FGFRL1: variants seen among roughly 807,000 people sequenced by gnomAD.
The protein encoded by FGFRL1 is fibroblast growth factor receptor like 1, also known as fibroblast growth factor receptor-like 1.
FGFRL1 carries 24 observed loss-of-function variants against 36.8 expected under a neutral mutation model. The observed-to-expected ratio is 0.65, with a 90% CI of 0.47 to 0.92. The LOEUF is 0.92. Among genes scored for constraint, FGFRL1 ranks in the 40% least tolerant of loss-of-function variants. The probability of loss-of-function intolerance (pLI) is 0.00; values close to 1 mark genes in which losing one functional copy is unlikely to be tolerated. For missense variants in FGFRL1, 785 were observed against 753.4 expected (o/e 1.04, Z -0.49); for synonymous variants, 422 against 344.1 (o/e 1.23, Z -2.50).
At position 1,025,378 on chromosome 4, in the gene FGFRL1, G is replaced by T. The variant is rs768753902; in HGVS notation, c.*31G>T. 45 of 1,515,462 alleles carry T rather than the reference G, an allele frequency of 3.0e-5. No homozygotes were observed. The highest frequency in any genetic ancestry group is 1.6e-4 in the Admixed American group (8 of 49,352). The allele number at this position is 1,515,462 out of a possible 1,614,324, so 93.9% of individuals were successfully genotyped here. A position where few individuals can be genotyped will look rare whatever the true frequency, so the allele number is the denominator to read the frequency against. On this transcript the variant is annotated 3_prime_UTR_variant, in exon 7 of 7. Transcript: ENST00000510644. Reference sequence around the variant, plus strand: ...ACCGTATCTGCAGTGGGCACGGGGGGGCCGGCCAGACAGGCAGACTGGGAG... The same window carrying T: ...ACCGTATCTGCAGTGGGCACGGGGGTGCCGGCCAGACAGGCAGACTGGGAG...
chr4:1,024,481 G>A lies in FGFRL1; in HGVS notation c.889G>A (p.Asp297Asn), dbSNP rs532080560. The A allele has an allele frequency of 1.9e-5, 31 of 1,612,402 alleles. No homozygotes were observed. Among genetic ancestry groups the A allele is most frequent in the East Asian group, 8.9e-5 (4 of 44,880 alleles). The change falls in exon 6 of 7, where the codon GAT becomes AAT. Residue 297 changes from aspartate (D) to asparagine (N), a missense_variant. Coordinates refer to ENST00000510644, the MANE Select transcript of FGFRL1 (RefSeq NM_001004356.3). Reference sequence around the variant, plus strand: ...CGAGGGCCGCCACAACTCCACCATCGATGTGGGCGGCCAGAAGTTTGTGGT... The same window carrying A: ...CGAGGGCCGCCACAACTCCACCATCAATGTGGGCGGCCAGAAGTTTGTGGT... ...GAEGRHNSTI[D>N]VGGQKFVVLP... is the part of the protein sequence containing the mutation.
chr4:1,018,602 C>A (rs1408145006), intron 2 of FGFRL1, among the ~76,000 whole-genome samples: 2 of 152,144 alleles, frequency 1.3e-5, no homozygotes, highest in Non-Finnish European at 2.9e-5. Context: ...GGGTGCACGG[C>A]CCCGGAGGTG....
chr4:1,023,510 C>A lies in FGFRL1; in HGVS notation c.353-131C>A. The A allele has an allele frequency of 4.8e-6, 4 of 827,516 alleles. No homozygotes were observed. Among genetic ancestry groups the A allele is most frequent in the Non-Finnish European group, 7.9e-6 (4 of 504,884 alleles). 51.3% of individuals were successfully genotyped at this position (827,516 alleles called of 1,614,324 possible). On this transcript the variant is annotated intron_variant, in intron 3 of 6. Coordinates refer to ENST00000510644, the MANE Select transcript of FGFRL1 (RefSeq NM_001004356.3). This position sits in a 1 kb window ranked among gnomAD's most constrained non-coding sequence, Gnocchi z 6.0. ...GGGATTCTGGGCTGTGGGTGTGTGG[C>A]GCAGCCCCCTGCCTGGGTGTCCAGG... is the stretch of plus-strand genomic sequence containing the variant.
rs774485968 is a variant in FGFRL1, at chr4:1,023,824, G to A, written c.441G>A (p.Pro147=). 13 of 1,579,540 alleles carry A rather than the reference G, an allele frequency of 8.2e-6. No individual in the cohort carries two copies. Among genetic ancestry groups the A allele is most frequent in the East Asian group, 2.3e-5 (1 of 43,382 alleles). The change falls in exon 5 of 7, where the codon CCG becomes CCA. Residue 147 remains proline, a synonymous_variant. Coordinates refer to ENST00000510644, the MANE Select transcript of FGFRL1 (RefSeq NM_001004356.3). The surrounding 1 kb of genome is among the most constrained non-coding windows in gnomAD (Gnocchi z 6.0). ...CGCCACCCCACCCCGCAGCACGACC[G>A]CGCTTCACACAGCCCTCCAAGATGA... ...EDPASQQWAR[P]RFTQPSKMRR... is the part of the protein sequence containing the mutation.
rs746084833 is a variant in FGFRL1, at chr4:1,024,619, A to T, written c.1027A>T (p.Thr343Ser). 6.2e-7 allele frequency: 1 copy of T among 1,610,642 alleles called. No homozygotes were observed. Among genetic ancestry groups the T allele is most frequent in the Non-Finnish European group, 8.5e-7 (1 of 1,178,732 alleles). Reference protein sequence around the residue: ...AGMYICLGANTMGYSFRSAFL... With the variant: ...AGMYICLGANSMGYSFRSAFL... ...CATGTACATCTGCCTTGGCGCCAAC[A>T]CCATGGGCTACAGCTTCCGCAGCGC... Residue 343 changes from threonine to serine, a missense_variant, in exon 6 of 7, where the codon ACC becomes TCC. Coordinates refer to ENST00000510644, the MANE Select transcript of FGFRL1 (RefSeq NM_001004356.3).
rs138327840 is a variant in FGFRL1, at chr4:1,025,306, G to A, written c.1474G>A (p.Val492Met). ...THTHSHTHSHVEGKVHQHIHY... is the reference protein window; with the variant it reads ...THTHSHTHSHMEGKVHQHIHY... ...CACACACTCTCACACACACTCACAC[G>A]TGGAGGGCAAGGTCCACCAGCACAT... Residue 492 changes from valine to methionine, a missense_variant, in exon 7 of 7, where the codon GTG (valine) becomes ATG (methionine). Transcript: ENST00000510644. The A allele has an allele frequency of 3.5e-3, 5,515 of 1,566,294 alleles. 201 individuals are homozygous for A. The South Asian group carries it at 0.054, about 15-fold the overall frequency.
chr4:1,018,758 C>T lies in FGFRL1; in HGVS notation c.80-3445C>T, dbSNP rs529027403. Among the ~76,000 whole-genome samples the T allele has an allele frequency of 5.4e-4, 82 of 152,314 alleles. 1 individual carries two copies. In the South Asian group the frequency reaches 0.017, roughly 31 times the overall value. Reference sequence around the variant, plus strand: ...AGGCTGCGTGGGTTGGACGCCCGTCCAGGTGGCGTGGTGCCCTGGCCGCTG... The same window carrying T: ...AGGCTGCGTGGGTTGGACGCCCGTCTAGGTGGCGTGGTGCCCTGGCCGCTG... On this transcript the variant is annotated intron_variant, in intron 2 of 6. Coordinates refer to ENST00000510644, the MANE Select transcript of FGFRL1 (RefSeq NM_001004356.3).
chr4:1,014,371 T>C (rs1176776131), intron 2 of FGFRL1, among the ~76,000 whole-genome samples: 3 of 152,246 alleles, frequency 2.0e-5, no homozygotes, highest in Non-Finnish European at 4.4e-5. Flanking sequence ...ATGAAATGTC[T>C]TTCACAAATA....
rs1383876758 is a variant in FGFRL1, at chr4:1,025,705, C to T, written c.*358C>T. The T allele has an allele frequency of 8.2e-6, 3 of 367,522 alleles. No homozygotes were observed. Among genetic ancestry groups the T allele is most frequent in the East Asian group, 5.4e-5 (1 of 18,640 alleles). The allele number at this position is 367,522 out of a possible 1,614,324, so 22.8% of individuals were successfully genotyped here. ...TGCTGCCTGAACATACACACGCACA[C>T]CCATGCGCAGATGTGCTGCCTGGAC... On this transcript the variant is annotated 3_prime_UTR_variant, in exon 7 of 7. Coordinates refer to ENST00000510644, the MANE Select transcript of FGFRL1 (RefSeq NM_001004356.3).
chr4:1,010,999 G>T (rs920610731), upstream of FGFRL1: 1 of 152,248 alleles, frequency 6.6e-6, no homozygotes, highest in Non-Finnish European at 1.5e-5. Flanking sequence ...ACGCCCCGGG[G>T]AGGACCCCTG....
intron 2 of FGFRL1, among the ~76,000 whole-genome samples, chr4:1,019,288 G>C (rs544010444): frequency 1.1e-3 from 168 of 152,360 alleles, no homozygotes; most frequent in Non-Finnish European, 2.1e-3. Context: ...GACAGGGCCA[G>C]GCACTCGCTC....
intron 2 of FGFRL1, among the ~76,000 whole-genome samples, chr4:1,018,195 G>A (rs963185696): frequency 6.6e-6 from 1 of 152,184 alleles, no homozygotes; most frequent in Admixed American, 6.5e-5. Flanking sequence ...CCCAGGGCCT[G>A]CCCACCTCCA....
At position 1,026,232 on chromosome 4, in the gene FGFRL1, C is replaced by T. The variant is rs1247384609; in HGVS notation, c.*885C>T. 1 of 157,182 alleles carries T rather than the reference C, an allele frequency of 6.4e-6. No individual in the cohort carries two copies. Among genetic ancestry groups the T allele is most frequent in the Non-Finnish European group, 1.4e-5 (1 of 71,378 alleles). The allele number at this position is 157,182 out of a possible 1,614,324, so 9.7% of individuals were successfully genotyped here. ...TGCTGTCCGGATACACACGCACGCA[C>T]ACATGCAGATATGCTGCCTGGGCAC... On this transcript the variant is annotated 3_prime_UTR_variant, in exon 7 of 7. Coordinates refer to ENST00000510644, the MANE Select transcript of FGFRL1 (RefSeq NM_001004356.3).
At chr4:1,017,726 C>T (rs1310264470) in intron 2 of FGFRL1, among the ~76,000 whole-genome samples, 1 of 152,200 alleles carries the variant, frequency 6.6e-6, no homozygotes, top group African/African-American at 2.4e-5. Flanking sequence ...TGTGTCCCTG[C>T]CTGGGTGTCT....
In FGFRL1 at chr4:1,023,109, T is replaced by C. The variant is rs902851642; in HGVS notation, c.353-532T>C. ...CCCAGGCCCCAGCAGGGTCTGGGGG[T>C]GCGGCCTGAGACAGCCTGGTCCTGG... On this transcript the variant is annotated intron_variant, in intron 3 of 6. Coordinates refer to ENST00000510644, the MANE Select transcript of FGFRL1 (RefSeq NM_001004356.3). The surrounding 1 kb of genome is among the most constrained non-coding windows in gnomAD (Gnocchi z 6.0). Among the ~76,000 whole-genome samples the C allele has an allele frequency of 4.0e-5, 6 of 150,644 alleles. No individual in the cohort carries two copies. Among genetic ancestry groups the C allele is most frequent in the Non-Finnish European group, 7.4e-5 (5 of 67,680 alleles).
At chr4:1,014,805 C>G (rs1004358428) in intron 2 of FGFRL1, among the ~76,000 whole-genome samples, 2 of 152,164 alleles carry the variant, frequency 1.3e-5, no homozygotes, top group African/African-American at 4.8e-5. Flanking sequence ...GGGAATCGGG[C>G]CAGCCGCCCC....
Position 1,015,413 on chromosome 4 carries a change from C to T in FGFRL1, c.79+2849C>T, listed in dbSNP as rs188272890. 2.6e-3 allele frequency among the ~76,000 whole-genome samples: 401 copies of T among 152,272 alleles called. 9 individuals are homozygous for T. The highest frequency in any genetic ancestry group is 7.2e-4 in the Non-Finnish European group (49 of 67,988). ...AGGGTGCCTGGCTGCCCTCTGCAGG[C>T]GGCTCCAAGGTGGGCCGCAGCCCCA... On this transcript the variant is annotated intron_variant, in intron 2 of 6. Coordinates refer to ENST00000510644, the MANE Select transcript of FGFRL1 (RefSeq NM_001004356.3).
In FGFRL1 at chr4:1,023,061, G is replaced by T. The variant is rs1048449405; in HGVS notation, c.353-580G>T. ...TTTAAGTTTTAGGGTACATGTGCCC[G>T]TTTTCTGAATACAGGAGCCTGGCCC... On this transcript the variant is annotated intron_variant, in intron 3 of 6. Coordinates refer to ENST00000510644, the MANE Select transcript of FGFRL1 (RefSeq NM_001004356.3). This position sits in a 1 kb window ranked among gnomAD's most constrained non-coding sequence, Gnocchi z 6.0. 6.6e-6 allele frequency among the ~76,000 whole-genome samples: 1 copy of T among 151,696 alleles called. No homozygotes were observed. Among genetic ancestry groups the T allele is most frequent in the Non-Finnish European group, 1.5e-5 (1 of 67,898 alleles).
In FGFRL1 at chr4:1,024,991, G is replaced by A. The variant is rs202037959; in HGVS notation, c.1159G>A (p.Ala387Thr). ...WPVVIGIPAG[A>T]VFILGTLLLW... Reference sequence around the variant, plus strand: ...CGTGGTCATCGGCATCCCAGCCGGCGCTGTCTTCATCCTGGGCACCCTGCT... The same window carrying A: ...CGTGGTCATCGGCATCCCAGCCGGCACTGTCTTCATCCTGGGCACCCTGCT... The change falls in exon 7 of 7, where the codon GCT becomes ACT. Residue 387 changes from alanine to threonine, a missense_variant. Transcript: ENST00000510644. 1.7e-5 allele frequency: 28 copies of A among 1,610,206 alleles called. No homozygotes were observed. The highest frequency in any genetic ancestry group is 6.7e-5 in the Admixed American group (4 of 59,988).
Sources: allele counts gnomAD v4.1 joint callset (sites outside exome capture counted in the v4.1 genomes callset), GRCh38; gene constraint gnomAD v4.1.1; non-coding constraint Gnocchi (gnomAD v3.1); transcripts MANE v1.5; gene names NCBI Gene and HGNC (gene_info 2026-07-23, HGNC 2026-07-21).